Variants in ADAMTSL3 observed in about 807,000 individuals in gnomAD.
ADAMTSL3 encodes the protein ADAMTS like 3, also known as ADAMTS-like protein 3.
In ADAMTSL3, 128 loss-of-function variants were observed where a neutral mutation model predicts 201.7. The observed-to-expected ratio is 0.63, with a 90% confidence interval of 0.55 to 0.73. The LOEUF (loss-of-function observed/expected upper bound fraction) is 0.73, where lower values mean the gene tolerates loss of function less well. Ranked by LOEUF, ADAMTSL3 falls within the 30% of genes least tolerant of loss-of-function variation. The probability of loss-of-function intolerance (pLI) is 0.00; values close to 1 mark genes in which losing one functional copy is unlikely to be tolerated. For synonymous variants in ADAMTSL3, 738 were observed against 748.4 expected (o/e 0.99, Z 0.23); for missense variants, 1,990 against 2,119.6 (o/e 0.94, Z 1.20).
chr15:83,978,433 C>A (rs1005703961), intron 20 of ADAMTSL3, among the ~76,000 whole-genome samples: 2 of 152,182 alleles, frequency 1.3e-5, no homozygotes, highest in Admixed American at 6.5e-5. Flanking sequence ...GCCCAGCAGC[C>A]CCTTCAGGAG....
chr15:83,828,256 G>A (rs1371184976), intron 6 of ADAMTSL3, among the ~76,000 whole-genome samples: 1 of 152,142 alleles, frequency 6.6e-6, no homozygotes, highest in Non-Finnish European at 1.5e-5. Flanking sequence ...CTTGTAAGTT[G>A]GATTCCTAGG....
chr15:83,786,514 T>C (rs1464861487), intron 4 of ADAMTSL3, among the ~76,000 whole-genome samples: 1 of 152,216 alleles, frequency 6.6e-6, no homozygotes, highest in Non-Finnish European at 1.5e-5. Context: ...TTGACTGTAA[T>C]CACCCTATTG....
At position 83,986,822 on chromosome 15, in the gene ADAMTSL3, C is replaced by T. The variant is rs577966619; in HGVS notation, c.3717-1869C>T. ...TGGGTGTATCAATTAGAGATGGTGC[C>T]TATAGAAAGATCAACTTTGTTATTA... On this transcript the variant is annotated intron_variant, in intron 21 of 29. Transcript: ENST00000286744. Among the ~76,000 whole-genome samples the T allele has an allele frequency of 2.0e-5, 3 of 152,228 alleles. No individual in the cohort carries two copies. In the South Asian group the frequency reaches 6.2e-4, roughly 32 times the overall value.
intron 3 of ADAMTSL3, among the ~76,000 whole-genome samples, chr15:83,766,211 G>A (rs1307244048): frequency 2.0e-5 from 3 of 152,166 alleles, no homozygotes; most frequent in Admixed American, 6.5e-5. Context: ...ACCAAAGGTT[G>A]CCATTGCCTC....
At chr15:83,953,375 CAACTT>C (rs2066791717) in intron 19 of ADAMTSL3, among the ~76,000 whole-genome samples, 1 of 150,776 alleles carries the variant, frequency 6.6e-6, no homozygotes, top group South Asian at 2.1e-4. Context: ...AAACTGATGA[CAACTT>C]AACACATTGT....
intron 3 of ADAMTSL3, among the ~76,000 whole-genome samples, chr15:83,745,829 T>C (rs1362526565): frequency 6.6e-6 from 1 of 152,214 alleles, no homozygotes; most frequent in Non-Finnish European, 1.5e-5. Context: ...TATGAATAAA[T>C]GCAATCTCAT....
intron 7 of ADAMTSL3, among the ~76,000 whole-genome samples, chr15:83,844,443 G>C (rs991150625): frequency 2.0e-5 from 3 of 152,188 alleles, no homozygotes; most frequent in Non-Finnish European, 4.4e-5. Context: ...AGGATATAAA[G>C]GGTCTGCTAA....
At chr15:83,687,694 C>T (rs1471042067) in intron 2 of ADAMTSL3, among the ~76,000 whole-genome samples, 2 of 152,130 alleles carry the variant, frequency 1.3e-5, no homozygotes, top group African/African-American at 4.8e-5. Context: ...TTCAATATTA[C>T]TTCTTAGATT....
chr15:83,700,810 GAGCAATT>G (rs2061764940), intron 2 of ADAMTSL3, among the ~76,000 whole-genome samples: 1 of 152,102 alleles, frequency 6.6e-6, no homozygotes, highest in Middle Eastern at 3.2e-3. Context: ...AAGCCAGTAA[GAGCAATT>G]AGCAATAGTG....
intron 14 of ADAMTSL3, 55 bp from the exon 15 acceptor site, chr15:83,899,592 A>G (rs2065683801): frequency 1.9e-6 from 3 of 1,539,542 alleles, no homozygotes; most frequent in South Asian, 1.2e-5. Context: ...CACCTATCCA[A>G]CTCCTTAATG....
chr15:83,978,561 A>T (rs939979160), intron 20 of ADAMTSL3, among the ~76,000 whole-genome samples: 4 of 152,126 alleles, frequency 2.6e-5, no homozygotes, highest in Non-Finnish European at 5.9e-5. Context: ...GGTCACCCCA[A>T]ACCAGACCGG....
chr15:84,037,072 T>C, intron 29 of ADAMTSL3, 85 bp downstream of exon 29: 7 of 1,366,588 alleles, frequency 5.1e-6, no homozygotes, highest in Non-Finnish European at 6.1e-6. Flanking sequence ...CACCAAACCC[T>C]GCTAGTGATT....
intron 2 of ADAMTSL3, among the ~76,000 whole-genome samples, chr15:83,688,208 A>G (rs2061563176): frequency 6.6e-6 from 1 of 152,240 alleles, no homozygotes; most frequent in South Asian, 2.1e-4. Flanking sequence ...AAAGACGCAT[A>G]CTGAGACATA....
chr15:84,025,134 TA>T, intron 26 of ADAMTSL3, 103 bp from the exon 27 acceptor site: 2 of 956,954 alleles, frequency 2.1e-6, no homozygotes, highest in Non-Finnish European at 3.1e-6. Context: ...TGTGACAGCC[TA>T]AGATAGCCAT....
intron 6 of ADAMTSL3, among the ~76,000 whole-genome samples, chr15:83,823,142 A>G (rs1285406292): frequency 1.4e-5 from 2 of 141,378 alleles, no homozygotes; most frequent in Non-Finnish European, 3.1e-5. Context: ...CCGAGATGGC[A>G]GCAGTACAGT....
At chr15:83,726,380 G>A (rs990618958) in intron 3 of ADAMTSL3, among the ~76,000 whole-genome samples, 5 of 152,018 alleles carry the variant, frequency 3.3e-5, no homozygotes, top group Admixed American at 2.0e-4. Flanking sequence ...TTTGGATGCC[G>A]TTTATTTATT....
rs62026486 is a variant in ADAMTSL3, at chr15:84,036,992, G to C, written c.4969+5G>C. 1 of 1,613,252 alleles carries C rather than the reference G, an allele frequency of 6.2e-7. No homozygotes were observed. The highest frequency in any genetic ancestry group is 8.5e-7 in the Non-Finnish European group (1 of 1,179,642). ...GTCTTGGGCCCTCCTGTGATAGTACGTACACCTCCCAGGTATCTCCACTGC... is the reference window on the plus strand; with the variant it reads ...GTCTTGGGCCCTCCTGTGATAGTACCTACACCTCCCAGGTATCTCCACTGC... On this transcript the variant is annotated splice_donor_5th_base_variant and intron_variant, in intron 29 of 29. Coordinates refer to ENST00000286744, the MANE Select transcript of ADAMTSL3 (RefSeq NM_207517.3).
chr15:83,932,723 G>C (rs746510411), intron 17 of ADAMTSL3, among the ~76,000 whole-genome samples: 23 of 152,186 alleles, frequency 1.5e-4, no homozygotes, highest in African/African-American at 5.5e-4. Context: ...TAGAGGTGAT[G>C]TAAATCCTGC....
intron 15 of ADAMTSL3, among the ~76,000 whole-genome samples, chr15:83,900,125 A>T (rs1241486559): frequency 1.3e-5 from 2 of 152,246 alleles, no homozygotes; most frequent in Admixed American, 6.5e-5. Flanking sequence ...GAAATGCATT[A>T]GTCGCCTGAG....
Sources: allele counts gnomAD v4.1 joint callset (sites outside exome capture counted in the v4.1 genomes callset), GRCh38; gene constraint gnomAD v4.1.1; transcripts MANE v1.5; gene names NCBI Gene and HGNC (gene_info 2026-07-23, HGNC 2026-07-21).